The following MCCC2 variants were observed in gnomAD, a reference collection of about 807,000 sequenced individuals.
MCCC2 encodes methylcrotonoyl-CoA carboxylase beta chain, mitochondrial.
MCCC2 carries 52 observed loss-of-function variants against 77.2 expected under a neutral mutation model. That is an observed-to-expected ratio of 0.67 (90% CI 0.54 to 0.85). MCCC2 has a LOEUF of 0.85. Among genes scored for constraint, MCCC2 ranks in the 40% least tolerant of loss-of-function variants. The pLI, the probability that MCCC2 is intolerant of heterozygous loss-of-function variation, is 0.00. For synonymous variants in MCCC2, 253 were observed against 248.4 expected (o/e 1.02, Z -0.18); for missense variants, 682 against 703.2 (o/e 0.97, Z 0.34).
intron 14 of MCCC2, 117 bp downstream of exon 14, chr5:71,649,370 A>T (rs1290562060): frequency 9.9e-7 from 1 of 1,009,120 alleles, no homozygotes; most frequent in East Asian, 2.4e-5. Flanking sequence ...TCAATCAATT[A>T]TACCGTAATT....
At chr5:71,587,972 A>G (rs1471229795) in intron 1 of MCCC2, among the ~76,000 whole-genome samples, 2 of 152,140 alleles carry the variant, frequency 1.3e-5, no homozygotes, top group African/African-American at 4.8e-5. Flanking sequence ...TTTGAGTTTA[A>G]AAGTTGATTA....
chr5:71,646,141 G>A, intron 12 of MCCC2, 70 bp from the exon 13 acceptor site: 1 of 1,331,000 alleles, frequency 7.5e-7, no homozygotes, highest in Non-Finnish European at 1.1e-6. Flanking sequence ...AAGTTGTGGT[G>A]TTTGTAGAAT....
At chr5:71,591,722 C>T (rs2112272545) in intron 1 of MCCC2, among the ~76,000 whole-genome samples, 1 of 151,990 alleles carries the variant, frequency 6.6e-6, no homozygotes, top group Admixed American at 6.6e-5. Flanking sequence ...CAGGCGTGAG[C>T]CACCACGGCT....
At chr5:71,622,943 G>A (rs1746403788) in intron 6 of MCCC2, among the ~76,000 whole-genome samples, 1 of 152,108 alleles carries the variant, frequency 6.6e-6, no homozygotes, top group South Asian at 2.1e-4. Context: ...TCTTGCTCCT[G>A]GTTTTCCTTC....
intron 1 of MCCC2, among the ~76,000 whole-genome samples, chr5:71,587,948 C>A (rs1182527616): frequency 6.6e-6 from 1 of 152,086 alleles, no homozygotes; most frequent in Non-Finnish European, 1.5e-5. Context: ...ACGAGGGGCG[C>A]TGTGCTTAGG....
intron 4 of MCCC2, 107 bp from the exon 5 acceptor site, chr5:71,602,399 G>GAAGTTA (rs1745472643): frequency 2.4e-5 from 33 of 1,373,740 alleles, no homozygotes; most frequent in Non-Finnish European, 3.2e-5. Flanking sequence ...TGTTAATAGT[G>GAAGTTA]ATACGTACTA....
chr5:71,640,922 A>G (rs541442723), intron 10 of MCCC2, 81 bp from the exon 11 acceptor site: 16 of 1,231,988 alleles, frequency 1.3e-5, no homozygotes, highest in Non-Finnish European at 1.8e-5. Context: ...TTCACTGTGA[A>G]TTGTTTTCCT....
chr5:71,635,387 C>T, intron 10 of MCCC2, 141 bp downstream of exon 10: 1 of 766,754 alleles, frequency 1.3e-6, no homozygotes. Context: ...ACATATGTGG[C>T]AATGATACCT....
intron 6 of MCCC2, among the ~76,000 whole-genome samples, chr5:71,623,635 A>G (rs546935643): frequency 6.6e-6 from 1 of 152,302 alleles, no homozygotes; most frequent in East Asian, 1.9e-4. Flanking sequence ...TCTTTATTAC[A>G]AGTGAGTCAC....
chr5:71,649,314 A>C, intron 14 of MCCC2, 61 bp downstream of exon 14: 1 of 1,455,550 alleles, frequency 6.9e-7, no homozygotes, highest in Non-Finnish European at 9.6e-7. Flanking sequence ...ATACATGGTC[A>C]GTTTATTTCA....
chr5:71,600,048 C>T (rs1160357447), intron 4 of MCCC2, among the ~76,000 whole-genome samples: 1 of 152,056 alleles, frequency 6.6e-6, no homozygotes, highest in Non-Finnish European at 1.5e-5. Context: ...GCCTGTAGTC[C>T]CAGCTACTTG....
intron 6 of MCCC2, among the ~76,000 whole-genome samples, chr5:71,619,210 A>G (rs1746283686): frequency 6.6e-6 from 1 of 151,470 alleles, no homozygotes. Flanking sequence ...GACCTTGGTA[A>G]TTGTTTTGAG....
chr5:71,596,315 A>C lies in MCCC2; in HGVS notation c.232A>C (p.Arg78=), dbSNP rs1472941816. The C allele has an allele frequency of 1.2e-6, 2 of 1,614,072 alleles. No homozygotes were observed. The highest frequency in any genetic ancestry group is 1.7e-6 in the Non-Finnish European group (2 of 1,180,050). ...GAAAGCCCGAGCACTTCACATATCA[A>C]GAGGAAAACTATTGCCCAGAGAAAG... ...GEKARALHIS[R]GKLLPRERID... The change falls in exon 3 of 17, where the codon AGA becomes CGA. Residue 78 remains arginine (R), a synonymous_variant. Transcript: ENST00000340941.
chr5:71,626,155 C>T (rs889328767), intron 6 of MCCC2, among the ~76,000 whole-genome samples: 1 of 152,102 alleles, frequency 6.6e-6, no homozygotes, highest in African/African-American at 2.4e-5. Flanking sequence ...AAACTGCAAT[C>T]TTAACATTAG....
chr5:71,652,553 C>A (rs1247754833), intron 15 of MCCC2, 116 bp from the exon 16 acceptor site: 12 of 801,336 alleles, frequency 1.5e-5, no homozygotes, highest in Admixed American at 1.4e-4. Flanking sequence ...TCACTATGCA[C>A]ATGTTAGATG....
chr5:71,604,573 A>T (rs923513627), intron 6 of MCCC2, 105 bp downstream of exon 6: 4 of 870,994 alleles, frequency 4.6e-6, no homozygotes, highest in Non-Finnish European at 7.3e-6. Flanking sequence ...ATTTAACACA[A>T]AATCTAATCT....
intron 6 of MCCC2, among the ~76,000 whole-genome samples, chr5:71,616,118 C>T (rs150394475): frequency 3.3e-5 from 5 of 152,326 alleles, no homozygotes; most frequent in East Asian, 1.9e-4. Flanking sequence ...ATTCCCACTC[C>T]GCGGGGACAG....
chr5:71,639,505 C>T (rs1162351825), intron 10 of MCCC2, among the ~76,000 whole-genome samples: 1 of 152,126 alleles, frequency 6.6e-6, no homozygotes, highest in Admixed American at 6.5e-5. Context: ...TAAGACCTTG[C>T]TCTGGATTAA....
intron 1 of MCCC2, among the ~76,000 whole-genome samples, chr5:71,592,005 C>T (rs557172414): frequency 4.6e-5 from 7 of 152,204 alleles, no homozygotes; most frequent in East Asian, 3.9e-4. Flanking sequence ...TGGGCTTAAG[C>T]GATGCTCCTG....
Sources: gnomAD v4.1 joint callset for allele counts (sites outside exome capture counted in the v4.1 genomes callset) on GRCh38, gnomAD v4.1.1 for gene constraint, MANE v1.5 for transcripts, NCBI Gene and HGNC (gene_info 2026-07-23, HGNC 2026-07-21) for gene names.